WSB1: variants seen among roughly 807,000 people sequenced by gnomAD.
WSB1 encodes the protein WD repeat and SOCS box-containing protein 1.
A neutral mutation model predicts 50.2 loss-of-function variants in WSB1; 23 were observed. The ratio of observed to expected loss-of-function variants is 0.46; its 90% confidence interval spans 0.33 to 0.65. The LOEUF is 0.65. Among genes scored for constraint, WSB1 ranks in the 30% least tolerant of loss-of-function variants. The pLI is 0.02. For synonymous variants in WSB1, 179 were observed against 172.0 expected (o/e 1.04, Z -0.32); for missense variants, 492 against 522.3 (o/e 0.94, Z 0.56).
intron 2 of WSB1, chr17:27,302,693 G>A (rs1204826866): frequency 1.3e-5 from 2 of 152,308 alleles, no homozygotes; most frequent in Non-Finnish European, 2.9e-5. Context: ...CCTAAGTGCT[G>A]GGATTACAGG....
intron 7 of WSB1, 94 bp downstream of exon 7, chr17:27,310,268 T>C: frequency 9.2e-7 from 1 of 1,086,508 alleles, no homozygotes; most frequent in Non-Finnish European, 1.4e-6. Context: ...TTAATGTCTC[T>C]TCCTCAACAC....
chr17:27,303,367 T>G lies in WSB1; in HGVS notation c.210T>G (p.Phe70Leu), dbSNP rs574809744. The G allele has an allele frequency of 5.0e-6, 8 of 1,613,200 alleles. No individual in the cohort carries two copies. The highest frequency in any genetic ancestry group is 2.2e-5 in the East Asian group (1 of 44,850). ...TTCCATCTGACTTCCCCCACTCCAG[T>G]CTCTTGCATGGCACCAAGAATGTTA... Reference protein sequence around the residue: ...LVPWSQCLQNFLLHGTKNVTN... With the variant: ...LVPWSQCLQNLLLHGTKNVTN... The change falls in exon 3 of 9, where the codon TTT becomes TTG. Residue 70 changes from phenylalanine (F) to leucine (L), a missense_variant and splice_region_variant. By Grantham distance (22) the Phe-to-Leu change is conservative (BLOSUM62 0). Transcript: ENST00000262394.
At chr17:27,298,441 G>A (rs535564720) in intron 1 of WSB1, among the ~76,000 whole-genome samples, 1 of 152,286 alleles carries the variant, frequency 6.6e-6, no homozygotes, top group South Asian at 2.1e-4. Flanking sequence ...AAAAAAGTGT[G>A]CCTGATGCAG....
At chr17:27,305,475 A>C (rs866287449) in intron 4 of WSB1, among the ~76,000 whole-genome samples, 85 of 152,380 alleles carry the variant, frequency 5.6e-4, no homozygotes, top group Middle Eastern at 3.4e-3. Context: ...CTAAAGCCTT[A>C]CAAAGTTTTG....
At position 27,294,282 on chromosome 17, in the gene WSB1, T is replaced by A; in HGVS notation, c.-114T>A. The A allele has an allele frequency of 6.9e-7, 1 of 1,446,302 alleles. No individual in the cohort carries two copies. Among genetic ancestry groups the A allele is most frequent in the East Asian group, 2.4e-5 (1 of 42,076 alleles). 89.6% of individuals were successfully genotyped at this position (1,446,302 alleles called of 1,614,324 possible). A position where few individuals can be genotyped will look rare whatever the true frequency, so the allele number is the denominator to read the frequency against. On this transcript the variant is annotated 5_prime_UTR_variant, in exon 1 of 9. Transcript: ENST00000262394. The stretch of plus-strand genomic sequence containing the variant: ...GCAGCGGCCGCCCCCGCCCGTCTCC[T>A]CTGTCCCTGGGCCCGGGAGGGACCA...
chr17:27,298,126 G>GAAA (rs35222722), intron 1 of WSB1, among the ~76,000 whole-genome samples: 61 of 74,182 alleles, frequency 8.2e-4, no homozygotes, highest in African/African-American at 2.7e-3. Context: ...CTCCGTCTCA[G>GAAA]AAAAAAAAAA....
At chr17:27,311,868 C>T (rs2017698345) in intron 8 of WSB1, among the ~76,000 whole-genome samples, 1 of 152,012 alleles carries the variant, frequency 6.6e-6, no homozygotes, top group Non-Finnish European at 1.5e-5. Context: ...TCTCAAACTC[C>T]TGACCCTGAC....
At chr17:27,294,559 A>G (rs1323327307) in intron 1 of WSB1, 124 bp downstream of exon 1, 4 of 1,377,854 alleles carry the variant, frequency 2.9e-6, no homozygotes, top group Non-Finnish European at 4.0e-6. Context: ...GGGCCAGCCC[A>G]CTAGCGAGGA....
In WSB1 at chr17:27,308,189, A is replaced by C. The variant is rs962264547; in HGVS notation, c.712-911A>C. On this transcript the variant is annotated intron_variant, in intron 5 of 8. Transcript: ENST00000262394. ...TTGTACTTATTTTCTTTTAGAAATA[A>C]TGTATTGTGTCTGTGCAGAAAAAAA... The C allele has an allele frequency of 3.0e-6, 3 of 986,604 alleles. No individual in the cohort carries two copies. In the African/African-American group the frequency reaches 5.4e-5, roughly 18 times the overall value. 61.1% of individuals were successfully genotyped at this position (986,604 alleles called of 1,614,324 possible). A position where few individuals can be genotyped will look rare whatever the true frequency, so the allele number is the denominator to read the frequency against.
At chr17:27,294,525 T>C in intron 1 of WSB1, 90 bp downstream of exon 1, 3 of 1,558,156 alleles carry the variant, frequency 1.9e-6, no homozygotes, top group Non-Finnish European at 2.6e-6. Context: ...ACTCCAAGTC[T>C]GAGGGAAGAG....
In WSB1 at chr17:27,303,455, C is replaced by T. The variant is rs759342516; in HGVS notation, c.298C>T (p.Arg100Cys). 5.0e-6 allele frequency: 8 copies of T among 1,613,866 alleles called. No individual in the cohort carries two copies. The highest frequency in any genetic ancestry group is 1.7e-5 in the Admixed American group (1 of 59,964). ...TGATGGTGGTCAGAAAAATAAGCCTCGTGAACATATTATAGACTGTGGAGA... is the reference window on the plus strand; with the variant it reads ...TGATGGTGGTCAGAAAAATAAGCCTTGTGAACATATTATAGACTGTGGAGA... ...NSDGGQKNKPREHIIDCGDIV... is the reference protein window; with the variant it reads ...NSDGGQKNKPCEHIIDCGDIV... The change falls in exon 3 of 9, where the codon CGT (arginine) becomes TGT (cysteine). Residue 100 changes from arginine to cysteine, a missense_variant. Transcript: ENST00000262394.
At chr17:27,303,810 T>G (rs2017335058) in intron 3 of WSB1, 175 bp downstream of exon 3, 1 of 753,492 alleles carries the variant, frequency 1.3e-6, no homozygotes, top group African/African-American at 1.8e-5. Flanking sequence ...GATTTTAATT[T>G]AGGAAAACTA....
chr17:27,309,299 C>A, intron 6 of WSB1, 27 bp downstream of exon 6: 2 of 1,486,228 alleles, frequency 1.3e-6, no homozygotes, highest in South Asian at 1.3e-5. Context: ...TTATTTTAGT[C>A]TATAATTCAT....
chr17:27,296,246 C>CTT (rs796691556), intron 1 of WSB1, among the ~76,000 whole-genome samples: 7 of 146,414 alleles, frequency 4.8e-5, no homozygotes, highest in African/African-American at 1.5e-4. Flanking sequence ...TCTTTTCTTT[C>CTT]TTTTTTTTTT....
chr17:27,297,109 C>T (rs1230913822), intron 1 of WSB1: 1 of 151,832 alleles, frequency 6.6e-6, no homozygotes, highest in Non-Finnish European at 1.5e-5. Flanking sequence ...GTTATTATTT[C>T]ATTGTCTTTG....
At chr17:27,305,477 A>G (rs2017411269) in intron 4 of WSB1, among the ~76,000 whole-genome samples, 1 of 152,250 alleles carries the variant, frequency 6.6e-6, no homozygotes, top group Non-Finnish European at 1.5e-5. Flanking sequence ...AAAGCCTTAC[A>G]AAGTTTTGGA....
intron 4 of WSB1, among the ~76,000 whole-genome samples, chr17:27,305,126 T>C (rs1354987363): frequency 2.0e-5 from 3 of 152,240 alleles, no homozygotes; most frequent in Non-Finnish European, 2.9e-5. Context: ...GTAAATGATC[T>C]GATATTATTC....
In WSB1 at chr17:27,294,151, C is replaced by T. The variant is rs149278387; in HGVS notation, c.-245C>T. ...GCAGTCGGCGCTTTAGGGGAACTGTCTTCCTCCGCAGGCGCGAGGCTGGGT... is the reference window on the plus strand; with the variant it reads ...GCAGTCGGCGCTTTAGGGGAACTGTTTTCCTCCGCAGGCGCGAGGCTGGGT... On this transcript the variant is annotated 5_prime_UTR_variant, in exon 1 of 9. Transcript: ENST00000262394. 26 of 356,948 alleles carry T rather than the reference C, an allele frequency of 7.3e-5. No individual in the cohort carries two copies. Among genetic ancestry groups the T allele is most frequent in the Non-Finnish European group, 1.0e-4 (20 of 197,672 alleles). The allele number at this position is 356,948 out of a possible 1,614,324, so 22.1% of individuals were successfully genotyped here. A position where few individuals can be genotyped will look rare whatever the true frequency, so the allele number is the denominator to read the frequency against.
intron 1 of WSB1, among the ~76,000 whole-genome samples, chr17:27,301,074 A>G (rs192907031): frequency 6.6e-6 from 1 of 152,154 alleles, no homozygotes; most frequent in African/African-American, 2.4e-5. Context: ...GTTTCAAACC[A>G]TGTTGGCCAG....
Sources: allele counts gnomAD v4.1 joint callset (sites outside exome capture counted in the v4.1 genomes callset), GRCh38; gene constraint gnomAD v4.1.1; transcripts MANE v1.5; gene names NCBI Gene and HGNC (gene_info 2026-07-23, HGNC 2026-07-21).